Variants in MEGF6 observed in about 807,000 individuals in gnomAD.
MEGF6 encodes the protein multiple EGF like domains 6, also known as multiple epidermal growth factor-like domains protein 6.
MEGF6 carries 184 observed loss-of-function variants against 207.1 expected under a neutral mutation model. The observed-to-expected ratio is 0.89, with a 90% CI of 0.79 to 1.00. The LOEUF is 1.00. MEGF6 is among the 50% of genes least tolerant of loss of function. The pLI is 0.00. For missense variants in MEGF6, 2,282 were observed against 2,202.9 expected, an observed-to-expected ratio of 1.04 and a Z score of -0.72; for synonymous variants, 1,038 against 910.0, an observed-to-expected ratio of 1.14 and a Z score of -2.53.
Position 3,494,071 on chromosome 1 carries a change from G to A in MEGF6, c.4183C>T (p.His1395Tyr), listed in dbSNP as rs1440225630. 6.2e-7 allele frequency: 1 copy of A among 1,603,800 alleles called. No homozygotes were observed. Among genetic ancestry groups the A allele is most frequent in the South Asian group, 1.1e-5 (1 of 89,854 alleles). The change falls in exon 33 of 37, where the codon CAT becomes TAT. Residue 1395 changes from histidine (H) to tyrosine (Y), a missense_variant. His to Tyr is a moderately conservative substitution (Grantham distance 83, BLOSUM62 2). Coordinates refer to ENST00000356575, the MANE Select transcript of MEGF6 (RefSeq NM_001409.4). ...AGCQGLCWCQHGAPCDPISGR... is the reference protein window; with the variant it reads ...AGCQGLCWCQYGAPCDPISGR... ...CTGATGGGGTCGCAGGGGGCTCCAT[G>A]TTGACACCAGCACAACCCCTGGCAG...
chr1:3,605,362 C>T (rs1644229554), intron 1 of MEGF6, among the ~76,000 whole-genome samples: 1 of 110,150 alleles, frequency 9.1e-6, no homozygotes, highest in South Asian at 2.9e-4. Flanking sequence ...CGCACGTTCA[C>T]ACACACTCAA....
At chr1:3,575,938 TC>T (rs1236265893) in intron 4 of MEGF6, among the ~76,000 whole-genome samples, 2 of 152,134 alleles carry the variant, frequency 1.3e-5, no homozygotes, top group Admixed American at 6.5e-5. Context: ...CCAGGCCCAC[TC>T]CGGGCCTCAC....
At chr1:3,597,006 G>A (rs1040448594) in intron 2 of MEGF6, among the ~76,000 whole-genome samples, 15 of 152,066 alleles carry the variant, frequency 9.9e-5, no homozygotes, top group East Asian at 3.9e-4. Flanking sequence ...CCAACCACCC[G>A]CTCCATGCCC....
chr1:3,517,261 G>T (rs1053563397), intron 5 of MEGF6, among the ~76,000 whole-genome samples: 3 of 152,244 alleles, frequency 2.0e-5, no homozygotes, highest in African/African-American at 7.2e-5. Flanking sequence ...GGCCCAGGAG[G>T]CTGCGGCAGG....
In MEGF6 at chr1:3,499,643, G is replaced by A. The variant is rs376512338; in HGVS notation, c.2910C>T (p.Ala970=). The change falls in exon 23 of 37, where the codon GCC becomes GCT. Residue 970 remains alanine (A), a synonymous_variant. Transcript: ENST00000356575. The stretch of plus-strand genomic sequence containing the variant: ...CGGGGCAGAGGCAGGAGCCATTCAC[G>A]GCATCACAGGCAGCTCCGGCGGTGC... The part of the protein sequence containing the change: ...CNCTAGAACD[A]VNGSCLCPAG... 32 of 1,593,868 alleles carry A rather than the reference G, an allele frequency of 2.0e-5. No homozygotes were observed. Among genetic ancestry groups the A allele is most frequent in the East Asian group, 2.3e-5 (1 of 44,018 alleles).
intron 3 of MEGF6, among the ~76,000 whole-genome samples, chr1:3,589,745 G>A (rs999691284): frequency 3.9e-5 from 6 of 152,200 alleles, no homozygotes; most frequent in African/African-American, 1.4e-4. Flanking sequence ...CAAGTGGATC[G>A]CCTGCATCGG....
At chr1:3,587,610 C>T (rs1386322849) in intron 3 of MEGF6, among the ~76,000 whole-genome samples, 2 of 152,216 alleles carry the variant, frequency 1.3e-5, no homozygotes, top group Non-Finnish European at 2.9e-5. Context: ...ACCGCCTCCT[C>T]ACGAACTTCA....
chr1:3,544,879 G>A (rs558034257), intron 4 of MEGF6, among the ~76,000 whole-genome samples: 52 of 152,206 alleles, frequency 3.4e-4, no homozygotes, highest in Non-Finnish European at 6.2e-4. Context: ...CAGGGTGGCC[G>A]AGGGGGCAGG....
At chr1:3,504,202 C>A (rs1191262678) in intron 17 of MEGF6, among the ~76,000 whole-genome samples, 1 of 152,162 alleles carries the variant, frequency 6.6e-6, no homozygotes, top group Non-Finnish European at 1.5e-5. Context: ...CATGGTCATG[C>A]TGGTCACACA....
chr1:3,596,089 C>A (rs140663688), intron 2 of MEGF6, among the ~76,000 whole-genome samples: 22 of 152,212 alleles, frequency 1.4e-4, no homozygotes, highest in Middle Eastern at 6.8e-3. Flanking sequence ...AGGGGAGCAG[C>A]AGGAGGACCT....
intron 4 of MEGF6, among the ~76,000 whole-genome samples, chr1:3,567,986 G>A (rs1539127): frequency 0.38 from 57,153 of 152,082 alleles, 13,240 homozygotes; most frequent in African/African-American, 0.65. Flanking sequence ...AGGCACTGCC[G>A]TGCTGTGGGA....
Position 3,556,833 on chromosome 1 carries a change from C to T in MEGF6, c.481+22992G>A, listed in dbSNP as rs1643046526. 6.6e-6 allele frequency among the ~76,000 whole-genome samples: 1 copy of T among 152,180 alleles called. No individual in the cohort carries two copies. The highest frequency in any genetic ancestry group is 2.4e-5 in the African/African-American group (1 of 41,436). ...CAGACCGGAGAATGTTAAAAACTGC[C>T]GAGCCTGCCGGGTGAGGATGGTGAG... On this transcript the variant is annotated intron_variant, in intron 4 of 36. Transcript: ENST00000356575. This position sits in a 1 kb window ranked among gnomAD's most constrained non-coding sequence, Gnocchi z 4.4.
At chr1:3,624,735 C>A in the MEGF6 span, 1 of 164,870 alleles carries the variant, frequency 6.1e-6, no homozygotes, top group Non-Finnish European at 1.3e-5. Flanking sequence ...CCTTCCCAGC[C>A]GCTCCGCGAC....
intron 4 of MEGF6, among the ~76,000 whole-genome samples, chr1:3,549,958 C>A (rs1642832097): frequency 6.6e-6 from 1 of 152,182 alleles, no homozygotes; most frequent in Admixed American, 6.5e-5. Flanking sequence ...AAAGGCTGCC[C>A]TCACCACTTC....
At chr1:3,535,188 G>C (rs1642288371) in intron 4 of MEGF6, among the ~76,000 whole-genome samples, 1 of 152,152 alleles carries the variant, frequency 6.6e-6, no homozygotes, top group East Asian at 1.9e-4. Context: ...TCACCGCGAC[G>C]GTGCCCGTGG....
In MEGF6 at chr1:3,611,385, C is replaced by T. The variant is rs1281576776; in HGVS notation, c.-117G>A. On this transcript the variant is annotated 5_prime_UTR_variant, in exon 1 of 37. Coordinates refer to ENST00000356575, the MANE Select transcript of MEGF6 (RefSeq NM_001409.4). The stretch of plus-strand genomic sequence containing the variant: ...GCCACAGGTGCCCGCGCCCGCTCCG[C>T]GGAGCCCAAGGTCGCTGCAGGTGCG... 16 of 1,296,822 alleles carry T rather than the reference C, an allele frequency of 1.2e-5. No homozygotes were observed. The highest frequency in any genetic ancestry group is 1.6e-5 in the African/African-American group (1 of 64,034). The allele number at this position is 1,296,822 out of a possible 1,614,324, so 80.3% of individuals were successfully genotyped here. A position where few individuals can be genotyped will look rare whatever the true frequency, so the allele number is the denominator to read the frequency against.
At chr1:3,587,923 A>T (rs530762981) in intron 3 of MEGF6, among the ~76,000 whole-genome samples, 15 of 44,758 alleles carry the variant, frequency 3.4e-4, no homozygotes, top group East Asian at 2.9e-3. Flanking sequence ...GGGGCAGGAG[A>T]GGCCAGGAGG....
intron 5 of MEGF6, among the ~76,000 whole-genome samples, chr1:3,522,249 G>A (rs938767868): frequency 1.1e-4 from 16 of 152,202 alleles, no homozygotes; most frequent in African/African-American, 3.4e-4. Context: ...AGGCTGGCAC[G>A]CAGGCGAGAG....
At chr1:3,547,856 C>T (rs184564455) in intron 4 of MEGF6, among the ~76,000 whole-genome samples, 4 of 152,316 alleles carry the variant, frequency 2.6e-5, no homozygotes, top group East Asian at 1.9e-4. Flanking sequence ...GCAGAGGCAG[C>T]GTCACTGCCT....
Sources: allele counts gnomAD v4.1 joint callset (sites outside exome capture counted in the v4.1 genomes callset), GRCh38; gene constraint gnomAD v4.1.1; non-coding constraint Gnocchi (gnomAD v3.1); transcripts MANE v1.5; gene names NCBI Gene and HGNC (gene_info 2026-07-23, HGNC 2026-07-21).